The following LRP11 variants were observed in gnomAD, a reference collection of about 807,000 sequenced individuals.
The protein encoded by LRP11 is LDL receptor related protein 11, also known as low-density lipoprotein receptor-related protein 11.
LRP11 carries 25 observed loss-of-function variants against 43.1 expected under a neutral mutation model. That is an observed-to-expected ratio of 0.58 (90% CI 0.42 to 0.81). The LOEUF (loss-of-function observed/expected upper bound fraction) is 0.81. Ranked by LOEUF, LRP11 falls within the 30% of genes least tolerant of loss-of-function variation. The pLI is 0.00. For synonymous variants in LRP11, 316 were observed against 299.4 expected (o/e 1.06, Z -0.57); for missense variants, 623 against 665.1 (o/e 0.94, Z 0.70).
chr6:149,824,722 T>A (rs187934524), intron 6 of LRP11, among the ~76,000 whole-genome samples: 19 of 152,122 alleles, frequency 1.2e-4, no homozygotes, highest in Admixed American at 4.6e-4. Context: ...TAGCCAGGTG[T>A]GGTGGCATGC....
chr6:149,822,976 G>A (rs970327345), intron 6 of LRP11, among the ~76,000 whole-genome samples: 2 of 152,134 alleles, frequency 1.3e-5, no homozygotes, highest in Non-Finnish European at 2.9e-5. Flanking sequence ...AGTCACAATA[G>A]GGGTTAGGAC....
At chr6:149,856,988 T>C (rs1024310878) in intron 1 of LRP11, among the ~76,000 whole-genome samples, 4 of 152,154 alleles carry the variant, frequency 2.6e-5, no homozygotes, top group Non-Finnish European at 5.9e-5. Flanking sequence ...AACCCCAATA[T>C]GATTATTGTG....
chr6:149,830,169 C>A (rs1776391192), intron 5 of LRP11, among the ~76,000 whole-genome samples: 1 of 151,942 alleles, frequency 6.6e-6, no homozygotes, highest in African/African-American at 2.4e-5. Context: ...CACCACCACG[C>A]CTGGCTAATT....
chr6:149,828,089 A>G (rs1036580744), intron 5 of LRP11, among the ~76,000 whole-genome samples: 7 of 151,506 alleles, frequency 4.6e-5, no homozygotes, highest in Admixed American at 3.9e-4. Context: ...TACTTGGGAA[A>G]CTGAGGCAGG....
intron 1 of LRP11, among the ~76,000 whole-genome samples, chr6:149,862,871 C>T (rs775341716): frequency 6.6e-6 from 1 of 152,120 alleles, no homozygotes; most frequent in Non-Finnish European, 1.5e-5. Context: ...TAAGCCACCA[C>T]GCCCGGCCTT....
intron 2 of LRP11, among the ~76,000 whole-genome samples, chr6:149,846,004 C>G (rs1159644902): frequency 1.3e-5 from 2 of 152,236 alleles, no homozygotes; most frequent in African/African-American, 4.8e-5. Flanking sequence ...CAGCCTGTCT[C>G]TTGCCTGGGT....
In LRP11 at chr6:149,863,431, G is replaced by A; in HGVS notation, c.590C>T (p.Thr197Ile). Reference protein sequence around the residue: ...SRAPDGAALATARASPRQEKD... With the variant: ...SRAPDGAALAIARASPRQEKD... ...ACCCTGCCGGGGCGAGGCGCGCGCG[G>A]TGGCCAGGGCGGCGCCGTCCGGCGC... Residue 197 changes from threonine to isoleucine, a missense_variant, in exon 1 of 7, where the codon ACC (threonine) becomes ATC (isoleucine). By Grantham distance (89) the Thr-to-Ile change is moderately conservative. Transcript: ENST00000239367. 7.6e-7 allele frequency: 1 copy of A among 1,310,920 alleles called. No individual in the cohort carries two copies. The highest frequency in any genetic ancestry group is 9.6e-7 in the Non-Finnish European group (1 of 1,037,536). The allele number at this position is 1,310,920 out of a possible 1,614,324, so 81.2% of individuals were successfully genotyped here.
intron 5 of LRP11, among the ~76,000 whole-genome samples, chr6:149,830,876 C>T (rs1290833434): frequency 1.3e-5 from 2 of 152,176 alleles, no homozygotes; most frequent in African/African-American, 4.8e-5. Flanking sequence ...CTGGCCCTGC[C>T]TTCTGGGTAA....
intron 2 of LRP11, among the ~76,000 whole-genome samples, chr6:149,847,380 T>C (rs372934129): frequency 1.5e-4 from 23 of 152,340 alleles, no homozygotes; most frequent in African/African-American, 5.1e-4. Flanking sequence ...TCTATCCAGA[T>C]TGAATGTCCC....
chr6:149,830,513 T>C (rs1776395695), intron 5 of LRP11, among the ~76,000 whole-genome samples: 1 of 152,196 alleles, frequency 6.6e-6, no homozygotes, highest in Admixed American at 6.5e-5. Flanking sequence ...TATTTACTCA[T>C]ACCCAGGCAA....
intron 2 of LRP11, among the ~76,000 whole-genome samples, chr6:149,845,224 G>C: frequency 6.6e-6 from 1 of 152,180 alleles, no homozygotes; most frequent in Admixed American, 6.5e-5. Context: ...AAAAGAGCTG[G>C]GCCTGGCCCA....
chr6:149,832,439 C>T lies in LRP11; in HGVS notation c.1252+3646G>A, dbSNP rs140650379. The stretch of plus-strand genomic sequence containing the variant: ...AACTGACCTCGTGATTTGCCTGCCT[C>T]GGCCTCCCAAAGTGCTGGGATTACA... On this transcript the variant is annotated intron_variant, in intron 5 of 6. Transcript: ENST00000239367. 6.5e-3 allele frequency among the ~76,000 whole-genome samples: 980 copies of T among 151,858 alleles called. 18 individuals are homozygous for T. Among genetic ancestry groups the T allele is most frequent in the African/African-American group, 0.02 (843 of 41,402 alleles).
rs1458231139 is a variant in LRP11, at chr6:149,859,391, TA to T, written c.613+4016del. ...TCTTGCTGACTCATATATATATATATATATATTTTTTTTTTTTTTTTTTTGA... is the reference window on the plus strand; with the variant it reads ...TCTTGCTGACTCATATATATATATATTATATTTTTTTTTTTTTTTTTTTGA... On this transcript the variant is annotated intron_variant, in intron 1 of 6. Coordinates refer to ENST00000239367, the MANE Select transcript of LRP11 (RefSeq NM_032832.6). 1.1e-4 allele frequency among the ~76,000 whole-genome samples: 10 copies of T among 93,206 alleles called. No individual in the cohort carries two copies. In the East Asian group the frequency reaches 6.5e-3, roughly 60 times the overall value. 61.1% of individuals were successfully genotyped at this position (93,206 alleles called of 152,430 possible). A position where few individuals can be genotyped will look rare whatever the true frequency, so the allele number is the denominator to read the frequency against.
At chr6:149,825,192 C>T (rs1441737326) in intron 6 of LRP11, among the ~76,000 whole-genome samples, 6 of 152,124 alleles carry the variant, frequency 3.9e-5, no homozygotes, top group Admixed American at 3.9e-4. Flanking sequence ...ATATTTTGTT[C>T]TTCTAAAGCT....
chr6:149,846,961 TAG>T (rs1562443313), intron 2 of LRP11, among the ~76,000 whole-genome samples: 17 of 123,216 alleles, frequency 1.4e-4, no homozygotes, highest in African/African-American at 4.7e-4. Flanking sequence ...AATAATAGAA[TAG>T]AATAGAATAG....
At chr6:149,855,280 G>A (rs1031571223) in intron 1 of LRP11, among the ~76,000 whole-genome samples, 9 of 152,274 alleles carry the variant, frequency 5.9e-5, no homozygotes, top group South Asian at 2.1e-4. Context: ...ACATCTGATC[G>A]AAGGCATTCT....
chr6:149,831,431 T>G (rs1776407074), intron 5 of LRP11, among the ~76,000 whole-genome samples: 1 of 152,326 alleles, frequency 6.6e-6, no homozygotes, highest in Middle Eastern at 3.4e-3. Flanking sequence ...ATGAATGACA[T>G]GGACCACACA....
chr6:149,852,461 G>A (rs1002755650), intron 2 of LRP11: 5 of 152,160 alleles, frequency 3.3e-5, no homozygotes, highest in African/African-American at 7.2e-5. Context: ...GATTTCCATC[G>A]GCGGCTATCC....
intron 2 of LRP11, among the ~76,000 whole-genome samples, chr6:149,847,883 T>C (rs998449786): frequency 1.3e-5 from 2 of 149,384 alleles, no homozygotes; most frequent in Admixed American, 1.3e-4. Context: ...ACACACATTG[T>C]ATATACTTGG....
Sources: allele counts gnomAD v4.1 joint callset (sites outside exome capture counted in the v4.1 genomes callset), GRCh38; gene constraint gnomAD v4.1.1; transcripts MANE v1.5; gene names NCBI Gene and HGNC (gene_info 2026-07-23, HGNC 2026-07-21).